Variants in PRDM16 observed in about 807,000 individuals in gnomAD.
PRDM16 encodes the protein PR/SET domain 16.
In PRDM16, 23 loss-of-function variants were observed where a neutral mutation model predicts 110.6. The ratio of observed to expected loss-of-function variants is 0.21; its 90% CI spans 0.15 to 0.29. PRDM16 has a LOEUF of 0.29. PRDM16 is among the 10% of genes least tolerant of loss of function. The pLI is 1.00. For missense variants in PRDM16, 1,615 were observed against 1,794.3 expected (o/e 0.90, Z 1.81); for synonymous variants, 799 against 781.8 (o/e 1.02, Z -0.37).
chr1:3,279,474 G>A (rs530949430), intron 3 of PRDM16, among the ~76,000 whole-genome samples: 1 of 152,372 alleles, frequency 6.6e-6, no homozygotes, highest in South Asian at 2.1e-4. Flanking sequence ...GCGTCAGTCT[G>A]GGACGCCCTG....
intron 1 of PRDM16, among the ~76,000 whole-genome samples, chr1:3,145,097 C>T (rs530675198): frequency 5.3e-5 from 8 of 152,318 alleles, no homozygotes; most frequent in East Asian, 3.9e-4. Flanking sequence ...GTAGGCCCCA[C>T]GCAGGGGCTG....
chr1:3,099,942 G>T (rs956525418), intron 1 of PRDM16, among the ~76,000 whole-genome samples: 1 of 152,140 alleles, frequency 6.6e-6, no homozygotes, highest in Non-Finnish European at 1.5e-5. Context: ...ATCGGGGGTC[G>T]GTGGCAAGCA....
rs373643030 is a variant in PRDM16 at position 3,299,931 on chromosome 1, A to T, written c.438+55794A>T. Among the ~76,000 whole-genome samples, 21 of 51,086 alleles carry T rather than the reference A, an allele frequency of 4.1e-4. 1 individual carries two copies. Among genetic ancestry groups the T allele is most frequent in the East Asian group, 1.2e-3 (1 of 830 alleles). 33.5% of individuals were successfully genotyped at this position (51,086 alleles called of 152,430 possible). ...GGCTGTGATGTTTCAGATCCCAGTCATGGTGACTCTGCCCTTGTTGAAGAT... is the reference window on the plus strand; with the variant it reads ...GGCTGTGATGTTTCAGATCCCAGTCTTGGTGACTCTGCCCTTGTTGAAGAT... On this transcript the variant is annotated intron_variant, in intron 3 of 16. Transcript: ENST00000270722.
intron 1 of PRDM16, among the ~76,000 whole-genome samples, chr1:3,087,476 AG>A (rs1392668891): frequency 6.6e-6 from 1 of 152,206 alleles, no homozygotes; most frequent in African/African-American, 2.4e-5. Context: ...AGGTTAGGTT[AG>A]GGTCCTTCCT....
At chr1:3,432,482 G>C (rs1638795180) in intron 16 of PRDM16, among the ~76,000 whole-genome samples, 1 of 152,200 alleles carries the variant, frequency 6.6e-6, no homozygotes, top group Non-Finnish European at 1.5e-5. Context: ...CTCTGATCTG[G>C]GCCCCAGTGG....
intron 1 of PRDM16, among the ~76,000 whole-genome samples, chr1:3,135,199 C>T (rs535632097): frequency 6.6e-6 from 1 of 152,328 alleles, no homozygotes; most frequent in African/African-American, 2.4e-5. Context: ...CCCGAGTCAG[C>T]CCAGTCGGCC....
intron 1 of PRDM16, among the ~76,000 whole-genome samples, chr1:3,158,137 G>T (rs781628467): frequency 6.6e-6 from 1 of 152,094 alleles, no homozygotes; most frequent in South Asian, 2.1e-4. Flanking sequence ...GGTTGTGCCC[G>T]TTCTGTATTG....
chr1:3,120,260 G>A (rs971890898), intron 1 of PRDM16, among the ~76,000 whole-genome samples: 5 of 152,238 alleles, frequency 3.3e-5, no homozygotes, highest in South Asian at 2.1e-4. Flanking sequence ...CAAAGATCGC[G>A]TGTCCTCCCT....
chr1:3,395,653 G>A (rs1643374645), intron 4 of PRDM16, among the ~76,000 whole-genome samples: 1 of 152,170 alleles, frequency 6.6e-6, no homozygotes. Context: ...CCCGTGCCCT[G>A]GCCCAGGCCT....
intron 1 of PRDM16, among the ~76,000 whole-genome samples, chr1:3,181,618 GGTCTTACACATGCA>G (rs1557509757): frequency 2.6e-4 from 34 of 132,152 alleles, no homozygotes; most frequent in African/African-American, 8.5e-4. Flanking sequence ...TCTTACACAC[GGTCTTACACATGCA>G]GTCTTACACA....
At chr1:3,158,199 C>T (rs1643872694) in intron 1 of PRDM16, among the ~76,000 whole-genome samples, 1 of 152,198 alleles carries the variant, frequency 6.6e-6, no homozygotes, top group African/African-American at 2.4e-5. Flanking sequence ...GATCCTCTCT[C>T]ATTTGACCGA....
intron 3 of PRDM16, among the ~76,000 whole-genome samples, chr1:3,280,108 G>T (rs954329136): frequency 1.3e-5 from 2 of 152,060 alleles, no homozygotes; most frequent in Non-Finnish European, 2.9e-5. Context: ...CTCTATTGCT[G>T]TGTGGAAGCC....
intron 1 of PRDM16, among the ~76,000 whole-genome samples, chr1:3,159,529 C>T (rs541574530): frequency 6.6e-6 from 1 of 152,212 alleles, no homozygotes; most frequent in Non-Finnish European, 1.5e-5. Flanking sequence ...GATCAGGGCC[C>T]ACCCTAGTGA....
chr1:3,365,697 A>G (rs1431408665), intron 3 of PRDM16, among the ~76,000 whole-genome samples: 1 of 152,188 alleles, frequency 6.6e-6, no homozygotes, highest in Non-Finnish European at 1.5e-5. Flanking sequence ...CAGGTCATAA[A>G]TCCCGCCTAA....
chr1:3,405,706 C>A (rs986088535), intron 8 of PRDM16, 58 bp downstream of exon 8: 2 of 1,486,146 alleles, frequency 1.3e-6, no homozygotes, highest in South Asian at 1.4e-5. Flanking sequence ...CCGTGGCGGT[C>A]GGGCCGAGGT....
chr1:3,336,799 CAT>C (rs1199308281), intron 3 of PRDM16, among the ~76,000 whole-genome samples: 12 of 150,604 alleles, frequency 8.0e-5, no homozygotes, highest in Non-Finnish European at 1.3e-4. Context: ...CATGCATGCA[CAT>C]GTGTGTTGGA....
At chr1:3,073,038 G>A (rs1300867104) in intron 1 of PRDM16, among the ~76,000 whole-genome samples, 2 of 152,264 alleles carry the variant, frequency 1.3e-5, no homozygotes, top group African/African-American at 2.4e-5. Context: ...CCACTCGGGG[G>A]GTCCTCCTTG....
chr1:3,294,052 C>G (rs142798662), intron 3 of PRDM16, among the ~76,000 whole-genome samples: 1 of 152,140 alleles, frequency 6.6e-6, no homozygotes, highest in Non-Finnish European at 1.5e-5. Flanking sequence ...CTTACTCCCC[C>G]GGGGGCCAGG....
intron 3 of PRDM16, among the ~76,000 whole-genome samples, chr1:3,287,907 C>G (rs191798390): frequency 6.6e-5 from 10 of 152,352 alleles, no homozygotes; most frequent in African/African-American, 2.2e-4. Flanking sequence ...CATGGAGCCT[C>G]GCACACCCTC....
Sources: gnomAD v4.1 joint callset for allele counts (sites outside exome capture counted in the v4.1 genomes callset) on GRCh38, gnomAD v4.1.1 for gene constraint, MANE v1.5 for transcripts, NCBI Gene and HGNC (gene_info 2026-07-23, HGNC 2026-07-21) for gene names.